ADA2: variants seen among roughly 807,000 people sequenced by gnomAD.
ADA2 encodes the protein adenosine deaminase 2.
Under a neutral mutation model 44.2 loss-of-function variants are expected in ADA2, and 29 were observed. The observed-to-expected ratio is 0.66, with a 90% CI of 0.49 to 0.89. The LOEUF is 0.89. ADA2 is among the 40% of genes least tolerant of loss of function. ADA2 has a pLI of 0.00. For synonymous variants in ADA2, 215 were observed against 234.9 expected (o/e 0.92, Z 0.77); for missense variants, 637 against 644.8 (o/e 0.99, Z 0.13).
chr22:17,183,627 A>G (rs914233794), intron 7 of ADA2, among the ~76,000 whole-genome samples: 28 of 150,158 alleles, frequency 1.9e-4, no homozygotes, highest in African/African-American at 6.6e-4. Context: ...ATGCCCGGCT[A>G]TTTTTTGTAT....
chr22:17,187,646 T>C (rs1279472928), intron 7 of ADA2, among the ~76,000 whole-genome samples: 1 of 146,676 alleles, frequency 6.8e-6, no homozygotes, highest in Non-Finnish European at 1.5e-5. Flanking sequence ...TGCAGGATTA[T>C]GCCCCTACCA....
At chr22:17,193,434 A>T (rs1410822858) in intron 4 of ADA2, 3 of 359,746 alleles carry the variant, frequency 8.3e-6, no homozygotes, top group Non-Finnish European at 1.5e-5. Context: ...TGGGCGGTCG[A>T]GGTGGGTGGA....
chr22:17,189,467 T>C (rs1454846331), intron 6 of ADA2, among the ~76,000 whole-genome samples: 2 of 152,026 alleles, frequency 1.3e-5, no homozygotes, highest in Non-Finnish European at 2.9e-5. Flanking sequence ...GGGACAAATA[T>C]CACTACCTTG....
intron 8 of ADA2, among the ~76,000 whole-genome samples, chr22:17,182,250 T>G (rs928082557): frequency 6.6e-6 from 1 of 152,096 alleles, no homozygotes; most frequent in African/African-American, 2.4e-5. Context: ...TCACTTCTGT[T>G]CCTGCTCAGA....
At chr22:17,199,778 G>A in intron 4 of ADA2, 1 of 1,431,466 alleles carries the variant, frequency 7.0e-7, no homozygotes, top group South Asian at 1.5e-5. Context: ...CTTTAGTTTC[G>A]ACATCAATAA....
rs1232757006 is a variant in ADA2, at chr22:17,209,371, T to A, written c.307A>T (p.Arg103Trp). 1.2e-6 allele frequency: 2 copies of A among 1,613,876 alleles called. No individual in the cohort carries two copies. Among genetic ancestry groups the A allele is most frequent in the Non-Finnish European group, 1.7e-6 (2 of 1,179,932 alleles). Residue 103 changes from arginine to tryptophan, a missense_variant, in exon 2 of 10, where the codon AGG becomes TGG. By Grantham distance (101) the Arg-to-Trp change is moderately radical. Coordinates refer to ENST00000399837, the MANE Select transcript of ADA2 (RefSeq NM_001282225.2). ...IERSQVFNIL[R>W]MMPKGAALHL... The stretch of plus-strand genomic sequence containing the variant: ...CAAACCTTACCTTTTGGCATCATCC[T>A]TAGAATATTAAACACTTGACTTCTC...
rs1275093282 is a variant in ADA2 at position 17,180,169 on chromosome 22, C to T, written c.*1314G>A. On this transcript the variant is annotated 3_prime_UTR_variant, in exon 10 of 10. Coordinates refer to ENST00000399837, the MANE Select transcript of ADA2 (RefSeq NM_001282225.2). Reference sequence around the variant, plus strand: ...CAAACAAACAAAATGTCATTCTACACTGTGAAAAATGAGCTGGAGGAGGCA... The same window carrying T: ...CAAACAAACAAAATGTCATTCTACATTGTGAAAAATGAGCTGGAGGAGGCA... The T allele has an allele frequency of 6.6e-6, 1 of 152,436 alleles. No individual in the cohort carries two copies. The highest frequency in any genetic ancestry group is 2.4e-5 in the African/African-American group (1 of 41,408). 9.4% of individuals were successfully genotyped at this position (152,436 alleles called of 1,614,324 possible).
At chr22:17,190,110 AGGGCT>A in intron 5 of ADA2, 78 bp from the exon 6 acceptor site, 1 of 1,183,476 alleles carries the variant, frequency 8.4e-7, no homozygotes, top group Non-Finnish European at 1.3e-6. Context: ...CCCTCCGTGC[AGGGCT>A]GGGCCAGCCC....
intron 4 of ADA2, chr22:17,193,236 C>A: frequency 2.0e-6 from 2 of 1,016,470 alleles, no homozygotes; most frequent in East Asian, 2.5e-5. Flanking sequence ...ACGAAGCCAT[C>A]GTGGAAAGAG....
chr22:17,197,838 A>T (rs568891656), intron 4 of ADA2, among the ~76,000 whole-genome samples: 2 of 152,310 alleles, frequency 1.3e-5, no homozygotes, highest in East Asian at 3.9e-4. Context: ...CACGAATTCG[A>T]GACCAGCCTG....
Position 17,191,723 on chromosome 22 carries a change from G to A in ADA2, c.841C>T (p.Pro281Ser). The change falls in exon 5 of 10, where the codon CCT (proline) becomes TCT (serine). Residue 281 changes from proline (P) to serine (S), a missense_variant. Physicochemically the swap from Pro to Ser is moderately conservative, Grantham distance 74 (BLOSUM62 -1). Coordinates refer to ENST00000399837, the MANE Select transcript of ADA2 (RefSeq NM_001282225.2). The stretch of plus-strand genomic sequence containing the variant: ...ATGATTTTGATTCCAATAAACTCAG[G>A]GTGAGTTTCCACAAACTTCTGAGCT... ...EVAQKFVETH[P>S]EFIGIKIIYS... The A allele has an allele frequency of 6.2e-7, 1 of 1,613,600 alleles. No individual in the cohort carries two copies. Among genetic ancestry groups the A allele is most frequent in the South Asian group, 1.1e-5 (1 of 91,048 alleles).
intron 4 of ADA2, among the ~76,000 whole-genome samples, chr22:17,193,489 A>C (rs1375343572): frequency 6.6e-6 from 1 of 150,672 alleles, no homozygotes; most frequent in African/African-American, 2.4e-5. Context: ...ATATGGTGAA[A>C]CCTCGTCTCT....
chr22:17,199,438 T>TCTTCCCCTCCCTCCCCACCACTATCCA, intron 4 of ADA2: 3 of 995,466 alleles, frequency 3.0e-6, no homozygotes, highest in Non-Finnish European at 3.2e-6. Context: ...TCCTCTATCC[T>TCTTCCCCTCCCTCCCCACCACTATCCA]CTTCCCCTCC....
At position 17,203,590 on chromosome 22, in the gene ADA2, G is replaced by GT; in HGVS notation, c.725dup (p.Tyr242Ter). Residue 242 changes from tyrosine (Y) to a stop codon, truncating the protein, a stop_gained and frameshift_variant, in exon 4 of 10, where the codon TAC becomes TAAC. Coordinates refer to ENST00000399837, the MANE Select transcript of ADA2 (RefSeq NM_001282225.2). LOFTEE classifies it high-confidence loss of function. ...GCAGCAGCCTGGCTCTGATCTCCAT[G>GT]TAGAGCACGTTGTCCTCGTAGAACT... ...MQEFYEDNVLYMEIRARLLPV... is the reference protein window; with the variant it reads ...MQEFYEDNVL 6.2e-7 allele frequency: 1 copy of GT among 1,612,824 alleles called. No individual in the cohort carries two copies. Among genetic ancestry groups the GT allele is most frequent in the South Asian group, 1.1e-5 (1 of 91,012 alleles).
intron 2 of ADA2, among the ~76,000 whole-genome samples, chr22:17,208,855 G>A (rs2062386053): frequency 6.8e-6 from 1 of 146,496 alleles, no homozygotes; most frequent in Admixed American, 7.1e-5. Context: ...GGGGAACAGG[G>A]TCTTGCTCTG....
rs1479381173 is a variant in ADA2 at position 17,216,446 on chromosome 22, T to C, written c.-47+2910A>G. ...GTTTCATAGTAGACTAGGGTGACTA[T>C]ACTTAGCAATAATATTATGTATATT... On this transcript the variant is annotated intron_variant, in intron 1 of 9. Coordinates refer to ENST00000399837, the MANE Select transcript of ADA2 (RefSeq NM_001282225.2). Among the ~76,000 whole-genome samples, 5 of 151,784 alleles carry C rather than the reference T, an allele frequency of 3.3e-5. No homozygotes were observed. The East Asian group carries it at 7.7e-4, about 23-fold the overall frequency.
intron 7 of ADA2, among the ~76,000 whole-genome samples, chr22:17,187,674 A>AC (rs1294337667): frequency 2.1e-4 from 32 of 151,354 alleles, no homozygotes; most frequent in Non-Finnish European, 1.5e-5. Flanking sequence ...TTAAAAAAAA[A>AC]AAAAAAAAGA....
chr22:17,183,709 G>A (rs918038342), intron 7 of ADA2, among the ~76,000 whole-genome samples: 1 of 151,664 alleles, frequency 6.6e-6, no homozygotes, highest in South Asian at 2.1e-4. Flanking sequence ...GGATCCACCC[G>A]CCTAGGCCTC....
intron 4 of ADA2, 120 bp downstream of exon 4, chr22:17,203,443 G>T: frequency 1.3e-6 from 1 of 759,104 alleles, no homozygotes; most frequent in Non-Finnish European, 2.2e-6. Flanking sequence ...AAAGGCACAT[G>T]ATCCCTTGCA....
Sources: gnomAD v4.1 joint callset for allele counts (sites outside exome capture counted in the v4.1 genomes callset) on GRCh38, gnomAD v4.1.1 for gene constraint, MANE v1.5 for transcripts, NCBI Gene and HGNC (gene_info 2026-07-23, HGNC 2026-07-21) for gene names.